DOCK4: variants seen among roughly 807,000 people sequenced by gnomAD.
DOCK4 encodes the protein dedicator of cytokinesis protein 4.
In DOCK4, 97 loss-of-function variants were observed where a neutral mutation model predicts 268.1. The observed-to-expected ratio is 0.36, with a 90% CI of 0.31 to 0.43. The LOEUF (loss-of-function observed/expected upper bound fraction) is 0.43. Among genes scored for constraint, DOCK4 ranks in the 20% least tolerant of loss-of-function variants. DOCK4 has a pLI of 1.00. For synonymous variants in DOCK4, 954 were observed against 887.2 expected (o/e 1.08, Z -1.34); for missense variants, 2,145 against 2,455.7 (o/e 0.87, Z 2.67).
chr7:111,782,959 T>C lies in DOCK4; in HGVS notation c.3525-35A>G. 3.2e-6 allele frequency: 5 copies of C among 1,577,580 alleles called. No individual in the cohort carries two copies. The South Asian group carries it at 5.6e-5, about 18-fold the overall frequency. ...AAAAGCAATAGTCAGAACTCAGAAC[T>C]TCCTTCCTAGGGGCAAACACAGTTT... On this transcript the variant is annotated intron_variant, in intron 34 of 52. Coordinates refer to ENST00000428084, the MANE Select transcript of DOCK4 (RefSeq NM_001363540.2).
chr7:111,824,361 T>G (rs1802236448), intron 26 of DOCK4, among the ~76,000 whole-genome samples: 1 of 152,216 alleles, frequency 6.6e-6, no homozygotes, highest in Non-Finnish European at 1.5e-5. Flanking sequence ...TTGAAAGAGT[T>G]ATACCCCACT....
intron 1 of DOCK4, among the ~76,000 whole-genome samples, chr7:112,137,989 T>A (rs888393271): frequency 3.3e-5 from 5 of 152,198 alleles, no homozygotes; most frequent in African/African-American, 1.2e-4. Flanking sequence ...TCATAATCAA[T>A]CATCATCATC....
intron 1 of DOCK4, among the ~76,000 whole-genome samples, chr7:112,038,318 C>T (rs1804031628): frequency 6.6e-6 from 1 of 152,102 alleles, no homozygotes. Context: ...AGCCATAAAG[C>T]CACATAAATG....
intron 51 of DOCK4, 73 bp from the exon 52 acceptor site, chr7:111,732,360 TGTTA>T: frequency 2.0e-6 from 3 of 1,510,254 alleles, no homozygotes; most frequent in Non-Finnish European, 2.7e-6. Context: ...ATGCCCTCTG[TGTTA>T]CAAACCCAAA....
intron 1 of DOCK4, among the ~76,000 whole-genome samples, chr7:112,104,386 C>A (rs531927066): frequency 6.6e-6 from 1 of 152,136 alleles, no homozygotes; most frequent in Non-Finnish European, 1.5e-5. Flanking sequence ...TCTCCATTAG[C>A]AAACTAATCA....
At chr7:112,062,731 G>A (rs889437420) in intron 1 of DOCK4, among the ~76,000 whole-genome samples, 2 of 152,190 alleles carry the variant, frequency 1.3e-5, no homozygotes, top group African/African-American at 4.8e-5. Flanking sequence ...CCAGGCTGGA[G>A]TGCAATGGCA....
chr7:112,155,064 C>A (rs751652406), intron 1 of DOCK4, among the ~76,000 whole-genome samples: 1 of 152,112 alleles, frequency 6.6e-6, no homozygotes, highest in Non-Finnish European at 1.5e-5. Context: ...GTTGTTTTTC[C>A]AATTTATTGA....
intron 1 of DOCK4, among the ~76,000 whole-genome samples, chr7:112,086,991 C>T (rs62474294): frequency 0.055 from 8,425 of 152,026 alleles, 307 homozygotes; most frequent in East Asian, 0.16. Context: ...CATGCTGAAC[C>T]CTGGGTAAGA....
chr7:112,050,768 T>A (rs932236286), intron 1 of DOCK4, among the ~76,000 whole-genome samples: 3 of 152,154 alleles, frequency 2.0e-5, no homozygotes, highest in African/African-American at 4.8e-5. Flanking sequence ...CTCATTTCAA[T>A]CCCGATTTTT....
Position 111,908,220 on chromosome 7 carries a change from A to G in DOCK4, c.1193-6419T>C, listed in dbSNP as rs1021380096. ...TCCCAGCACTTTGGGAGGCTGAGGCAGGCAGATCACAAGGTCAGGAGATCG... is the reference window on the plus strand; with the variant it reads ...TCCCAGCACTTTGGGAGGCTGAGGCGGGCAGATCACAAGGTCAGGAGATCG... On this transcript the variant is annotated intron_variant, in intron 13 of 52. Transcript: ENST00000428084. 5.3e-5 allele frequency among the ~76,000 whole-genome samples: 8 copies of G among 152,184 alleles called. 1 individual carries two copies. The South Asian group carries it at 6.2e-4, about 12-fold the overall frequency.
intron 52 of DOCK4, among the ~76,000 whole-genome samples, chr7:111,729,594 T>A (rs562392856): frequency 1.3e-5 from 2 of 151,950 alleles, no homozygotes; most frequent in Non-Finnish European, 2.9e-5. Flanking sequence ...AGGCACACAT[T>A]AGTCCTATAG....
chr7:112,146,514 T>C (rs192084809), intron 1 of DOCK4, among the ~76,000 whole-genome samples: 164 of 152,190 alleles, frequency 1.1e-3, no homozygotes, highest in African/African-American at 3.7e-3. Flanking sequence ...GGCAGATCCT[T>C]TGAGGTCAGG....
intron 16 of DOCK4, among the ~76,000 whole-genome samples, chr7:111,893,319 C>T (rs902700062): frequency 3.3e-5 from 5 of 152,096 alleles, no homozygotes; most frequent in Admixed American, 6.5e-5. Context: ...TTCACGCTCA[C>T]GAAGAGAAGT....
At chr7:112,197,016 A>G (rs1820512815) in intron 1 of DOCK4, among the ~76,000 whole-genome samples, 1 of 152,072 alleles carries the variant, frequency 6.6e-6, no homozygotes, top group African/African-American at 2.4e-5. Context: ...CCAAGAAAAC[A>G]TTGGTTTTCT....
At chr7:112,063,875 TGTCATATGACATTTTTGGGTACCCCAA>T (rs1806678785) in intron 1 of DOCK4, among the ~76,000 whole-genome samples, 1 of 152,220 alleles carries the variant, frequency 6.6e-6, no homozygotes, top group African/African-American at 2.4e-5. Flanking sequence ...AGAGGACATC[TGTCATATGACATTTTTGGGTACCCCAA>T]GTCCTTTTCT....
intron 30 of DOCK4, among the ~76,000 whole-genome samples, chr7:111,791,576 T>C (rs979409457): frequency 2.6e-5 from 4 of 151,886 alleles, no homozygotes; most frequent in African/African-American, 9.7e-5. Flanking sequence ...GCCTCCTGGG[T>C]AGCTGGGATT....
chr7:111,971,864 C>G (rs1797740779), intron 8 of DOCK4: 2 of 260,248 alleles, frequency 7.7e-6, no homozygotes, highest in Non-Finnish European at 1.5e-5. Context: ...AGGGAGGTCC[C>G]TTTTGGGCTG....
chr7:111,820,807 G>A (rs918808914), intron 27 of DOCK4: 5 of 152,238 alleles, frequency 3.3e-5, no homozygotes, highest in East Asian at 3.9e-4. Flanking sequence ...TTGATGCTGC[G>A]TGATGATGAT....
intron 1 of DOCK4, among the ~76,000 whole-genome samples, chr7:112,138,349 C>T (rs192263290): frequency 1.9e-3 from 295 of 152,264 alleles, no homozygotes; most frequent in African/African-American, 6.8e-3. Context: ...ACACAATATG[C>T]TCTCACTGGT....
Sources: allele counts gnomAD v4.1 joint callset (sites outside exome capture counted in the v4.1 genomes callset), GRCh38; gene constraint gnomAD v4.1.1; transcripts MANE v1.5; gene names NCBI Gene and HGNC (gene_info 2026-07-23, HGNC 2026-07-21).